DSG3: variants seen among roughly 807,000 people sequenced by gnomAD.
DSG3 encodes desmoglein 3, also known as desmoglein-3.
In DSG3, 63 loss-of-function variants were observed where a neutral mutation model predicts 85.9. The observed-to-expected ratio is 0.73, with a 90% CI of 0.60 to 0.90. The LOEUF is 0.90. Among genes scored for constraint, DSG3 ranks in the 40% least tolerant of loss-of-function variants. DSG3 has a pLI of 0.00. For synonymous variants in DSG3, 447 were observed against 441.9 expected (o/e 1.01, Z -0.14); for missense variants, 1,220 against 1,219.9 (o/e 1.00, Z 0.00).
At chr18:31,448,317 T>C (rs1451563108) in intron 1 of DSG3, among the ~76,000 whole-genome samples, 2 of 152,322 alleles carry the variant, frequency 1.3e-5, no homozygotes, top group African/African-American at 4.8e-5. Context: ...TCTTAGCATA[T>C]AGCTAAGAAC....
Position 31,459,923 on chromosome 18 carries a change from T to A in DSG3, c.596T>A (p.Val199Asp). The change falls in exon 6 of 16, where the codon GTC becomes GAC. Residue 199 changes from valine to aspartate, a missense_variant. By Grantham distance (152) the Val-to-Asp change is radical. Transcript: ENST00000257189. ...HLNSKIAFKI[V>D]SQEPAGTPMF... is the part of the protein sequence containing the mutation. ...AATTCTAAAATTGCCTTCAAAATTG[T>A]CTCTCAGGAACCAGCAGGCACACCC... 3.7e-6 allele frequency: 6 copies of A among 1,614,046 alleles called. No homozygotes were observed. The highest frequency in any genetic ancestry group is 5.1e-6 in the Non-Finnish European group (6 of 1,179,980).
chr18:31,469,052 C>T (rs767620610), intron 11 of DSG3, 37 bp from the exon 12 acceptor site: 35 of 1,604,840 alleles, frequency 2.2e-5, no homozygotes, highest in Middle Eastern at 1.6e-4. Flanking sequence ...AAAGACACTT[C>T]GTCCTACTGT....
chr18:31,459,233 C>A, intron 5 of DSG3, 56 bp downstream of exon 5: 1 of 1,476,518 alleles, frequency 6.8e-7, no homozygotes, highest in Non-Finnish European at 9.2e-7. Flanking sequence ...AATATGAGTC[C>A]CACTACAATA....
rs73953170 is a variant in DSG3, at chr18:31,452,142, G to C, written c.48+4217G>C. Among the ~76,000 whole-genome samples, 1,111 of 152,240 alleles carry C rather than the reference G, an allele frequency of 7.3e-3. 12 individuals are homozygous for C. Among genetic ancestry groups the C allele is most frequent in the African/African-American group, 0.025 (1,021 of 41,538 alleles). On this transcript the variant is annotated intron_variant, in intron 1 of 15. Coordinates refer to ENST00000257189, the MANE Select transcript of DSG3 (RefSeq NM_001944.3). ...CTACACAATTGTACAGTGGAGTACT[G>C]TTTCTTTTCTCCTTCTCATGGTCAA...
chr18:31,452,035 G>T (rs1425684271), intron 1 of DSG3, among the ~76,000 whole-genome samples: 1 of 152,182 alleles, frequency 6.6e-6, no homozygotes, highest in Non-Finnish European at 1.5e-5. Flanking sequence ...CAGCTGGCTA[G>T]GTTGTACACT....
chr18:31,472,856 T>A (rs550289931), intron 14 of DSG3, 68 bp downstream of exon 14: 26 of 1,395,918 alleles, frequency 1.9e-5, no homozygotes, highest in Non-Finnish European at 7.1e-6. Flanking sequence ...ATAAGAAGTG[T>A]TCAAACTATC....
chr18:31,457,193 G>C, intron 3 of DSG3, 69 bp downstream of exon 3: 1 of 1,478,556 alleles, frequency 6.8e-7, no homozygotes, highest in Non-Finnish European at 9.1e-7. Flanking sequence ...AAAATAATAC[G>C]GCAATTCCAA....
intron 1 of DSG3, among the ~76,000 whole-genome samples, chr18:31,450,828 AC>A (rs1281758767): frequency 6.6e-6 from 1 of 152,066 alleles, no homozygotes; most frequent in Non-Finnish European, 1.5e-5. Context: ...TGATTTGTAA[AC>A]CCTTTAATTT....
chr18:31,473,908 T>C (rs1178900761), intron 14 of DSG3, among the ~76,000 whole-genome samples: 2 of 152,214 alleles, frequency 1.3e-5, no homozygotes, highest in African/African-American at 2.4e-5. Context: ...TTAAAATTAG[T>C]ATATTTTTAG....
chr18:31,478,676 G>T lies in DSG3; in HGVS notation c.*2416G>T, dbSNP rs918524130. 6 of 152,044 alleles carry T rather than the reference G, an allele frequency of 3.9e-5. No individual in the cohort carries two copies. Among genetic ancestry groups the T allele is most frequent in the Non-Finnish European group, 5.9e-5 (4 of 68,008 alleles). The allele number at this position is 152,044 out of a possible 1,614,324, so 9.4% of individuals were successfully genotyped here. A position where few individuals can be genotyped will look rare whatever the true frequency, so the allele number is the denominator to read the frequency against. On this transcript the variant is annotated 3_prime_UTR_variant, in exon 16 of 16. Transcript: ENST00000257189. ...GTATAATGTTGTTATAATAAAACAG[G>T]CAATAAATTTATAAATAAAAGCTGA...
At chr18:31,465,505 T>C (rs1378379364) in intron 10 of DSG3, 48 bp downstream of exon 10, 6 of 1,332,582 alleles carry the variant, frequency 4.5e-6, no homozygotes, top group African/African-American at 1.5e-5. Context: ...TCGTAATTGA[T>C]GTTTCTTTAT....
chr18:31,472,947 A>G (rs1258508601), intron 14 of DSG3, among the ~76,000 whole-genome samples, 159 bp downstream of exon 14: 3 of 152,238 alleles, frequency 2.0e-5, no homozygotes, highest in Admixed American at 2.0e-4. Flanking sequence ...ATATTTTTAT[A>G]TTAGTCAATT....
Position 31,476,679 on chromosome 18 carries a change from G to C in DSG3, c.*419G>C, listed in dbSNP as rs1266251707. 1 of 158,150 alleles carries C rather than the reference G, an allele frequency of 6.3e-6. No individual in the cohort carries two copies. The highest frequency in any genetic ancestry group is 1.4e-5 in the Non-Finnish European group (1 of 72,056). The allele number at this position is 158,150 out of a possible 1,614,324, so 9.8% of individuals were successfully genotyped here. A position where few individuals can be genotyped will look rare whatever the true frequency, so the allele number is the denominator to read the frequency against. Reference sequence around the variant, plus strand: ...GATAATGATGTAAGAATCACAAGGGGCCGGGCGCGGTGGCTCACGCCTGTA... The same window carrying C: ...GATAATGATGTAAGAATCACAAGGGCCCGGGCGCGGTGGCTCACGCCTGTA... On this transcript the variant is annotated 3_prime_UTR_variant, in exon 16 of 16. Transcript: ENST00000257189.
At position 31,475,772 on chromosome 18, in the gene DSG3, G is replaced by A. The variant is rs760292025; in HGVS notation, c.2512G>A (p.Ala838Thr). Residue 838 changes from alanine to threonine, a missense_variant, in exon 16 of 16, where the codon GCT becomes ACT. By Grantham distance (58) the Ala-to-Thr change is moderately conservative (BLOSUM62 0). Coordinates refer to ENST00000257189, the MANE Select transcript of DSG3 (RefSeq NM_001944.3). ...VGSVGCCSFI[A>T]DDLDDSFLDS... ...CTCCGTGGGTTGTTGCAGTTTTATT[G>A]CTGATGACCTGGATGACAGCTTCTT... 2.5e-6 allele frequency: 4 copies of A among 1,614,146 alleles called. No individual in the cohort carries two copies. Among genetic ancestry groups the A allele is most frequent in the Non-Finnish European group, 2.5e-6 (3 of 1,180,030 alleles).
chr18:31,459,602 G>A (rs955795297), intron 5 of DSG3, among the ~76,000 whole-genome samples: 1 of 152,120 alleles, frequency 6.6e-6, no homozygotes, highest in African/African-American at 2.4e-5. Context: ...ATAGAATATA[G>A]CCTCAATCTC....
Position 31,472,632 on chromosome 18 carries a change from A to G in DSG3, c.2038-93A>G, listed in dbSNP as rs560717990. On this transcript the variant is annotated intron_variant, in intron 13 of 15. Transcript: ENST00000257189. Reference sequence around the variant, plus strand: ...AAGAATTTGCACTTCTTGTAATGTTATCATTTACAAATTTGCAAAGGGCCA... The same window carrying G: ...AAGAATTTGCACTTCTTGTAATGTTGTCATTTACAAATTTGCAAAGGGCCA... 4 of 1,378,880 alleles carry G rather than the reference A, an allele frequency of 2.9e-6. No homozygotes were observed. In the East Asian group the frequency reaches 9.6e-5, roughly 33 times the overall value. 85.4% of individuals were successfully genotyped at this position (1,378,880 alleles called of 1,614,324 possible).
At position 31,464,368 on chromosome 18, in the gene DSG3, T is replaced by C. The variant is rs1568088969; in HGVS notation, c.1257T>C (p.Ala419=). The change falls in exon 9 of 16, where the codon GCT becomes GCC. Residue 419 remains alanine, a synonymous_variant. Transcript: ENST00000257189. ...YQAIDEDTNK[A]ASNVKYVMGR... is the part of the protein sequence containing the mutation. Reference sequence around the variant, plus strand: ...CCATCGATGAGGACACTAACAAAGCTGCCTCAAATGTCAAGTAAGACTATT... The same window carrying C: ...CCATCGATGAGGACACTAACAAAGCCGCCTCAAATGTCAAGTAAGACTATT... 6.2e-7 allele frequency: 1 copy of C among 1,607,276 alleles called. No individual in the cohort carries two copies. Among genetic ancestry groups the C allele is most frequent in the Non-Finnish European group, 8.5e-7 (1 of 1,176,354 alleles).
At chr18:31,453,957 T>C (rs1039688724) in intron 1 of DSG3, among the ~76,000 whole-genome samples, 1 of 152,148 alleles carries the variant, frequency 6.6e-6, no homozygotes, top group South Asian at 2.1e-4. Context: ...ATAAATTGTT[T>C]TTAAAATGTC....
rs935765649 is a variant in DSG3 at position 31,472,286 on chromosome 18, G to C, written c.1900G>C (p.Ala634Pro). ...TGTTTTGTTTTGTTTTTCACTAGTG[G>C]CCCCCCTTCTGCTGTTGACCTGTGA... ...LLLGLLLLLL[A>P]PLLLLTCDCG... Residue 634 changes from alanine (A) to proline (P), a missense_variant and splice_region_variant, in exon 13 of 16, where the codon GCC becomes CCC. Physicochemically the swap from Ala to Pro is conservative, Grantham distance 27 (BLOSUM62 -1). Transcript: ENST00000257189. 17 of 1,613,908 alleles carry C rather than the reference G, an allele frequency of 1.1e-5. No homozygotes were observed. Among genetic ancestry groups the C allele is most frequent in the South Asian group, 2.2e-5 (2 of 91,060 alleles).
Sources: gnomAD v4.1 joint callset for allele counts (sites outside exome capture counted in the v4.1 genomes callset) on GRCh38, gnomAD v4.1.1 for gene constraint, MANE v1.5 for transcripts, NCBI Gene and HGNC (gene_info 2026-07-23, HGNC 2026-07-21) for gene names.